The following IRF7 variants were observed in gnomAD, a reference collection of about 807,000 sequenced individuals.
IRF7 encodes the protein interferon regulatory factor-7H.
IRF7 carries 67 observed loss-of-function variants against 51.3 expected under a neutral mutation model. The observed-to-expected ratio is 1.31, with a 90% confidence interval of 1.07 to 1.60. The LOEUF (loss-of-function observed/expected upper bound fraction) is 1.60. Among genes scored for constraint, IRF7 ranks in the 40% most tolerant of loss-of-function variants. The probability of loss-of-function intolerance (pLI) is 0.00; values close to 1 mark genes in which losing one functional copy is unlikely to be tolerated. For missense variants in IRF7, 873 were observed against 701.5 expected, an observed-to-expected ratio of 1.24 and a Z score of -2.76; for synonymous variants, 427 against 301.3, an observed-to-expected ratio of 1.42 and a Z score of -4.32.
Position 613,967 on chromosome 11 carries a change from G to C in IRF7, c.750C>G (p.Pro250=), listed in dbSNP as rs202066033. 1.9e-6 allele frequency: 3 copies of C among 1,606,154 alleles called. No individual in the cohort carries two copies. Among genetic ancestry groups the C allele is most frequent in the East Asian group, 2.2e-5 (1 of 44,834 alleles). Reference sequence around the variant, plus strand: ...CCCTCTCACCTGTCGTTAGTGCCGCGGGCTGGGGCCCGGGGCTGGGGGTCG... The same window carrying C: ...CCCTCTCACCTGTCGTTAGTGCCGCCGGCTGGGGCCCGGGGCTGGGGGTCG... ...VETTPSPGPQ[P]AALTTGEAAA... The change falls in exon 7 of 11, where the codon CCC becomes CCG. Residue 250 remains proline, a synonymous_variant. Coordinates refer to ENST00000525445, the MANE Select transcript of IRF7 (RefSeq NM_001572.5).
Position 612,696 on chromosome 11 carries a change from G to A in IRF7, c.1461C>T (p.Ser487=), listed in dbSNP as rs778977149. The change falls in exon 11 of 11, where the codon AGC becomes AGT. Residue 487 remains serine (S), a synonymous_variant. Coordinates refer to ENST00000525445, the MANE Select transcript of IRF7 (RefSeq NM_001572.5). ...GGAAGCACTCGATGTCGTCATAGAG[G>A]CTGTTGGCGCTGGACAGGCAGAGGC... The part of the protein sequence containing the change: ...SLSLCLSSAN[S]LYDDIECFLM... 2.5e-6 allele frequency: 4 copies of A among 1,613,132 alleles called. No individual in the cohort carries two copies. The East Asian group carries it at 6.7e-5, about 27-fold the overall frequency.
In IRF7 at chr11:612,561, G is replaced by C. The variant is rs561871272; in HGVS notation, c.*84C>G. On this transcript the variant is annotated 3_prime_UTR_variant, in exon 11 of 11. Coordinates refer to ENST00000525445, the MANE Select transcript of IRF7 (RefSeq NM_001572.5). The stretch of plus-strand genomic sequence containing the variant: ...CAGCCAAGATGCCAGTACGTGTTCT[G>C]GAGTTCTTTTTATTAGACTGGGCGG... 8.3e-5 allele frequency: 125 copies of C among 1,497,786 alleles called. 1 individual carries two copies. The South Asian group carries it at 1.4e-3, about 17-fold the overall frequency. The allele number at this position is 1,497,786 out of a possible 1,614,324, so 92.8% of individuals were successfully genotyped here.
rs759611361 is a variant in IRF7 at position 613,494 on chromosome 11, G to A, written c.949C>T (p.Pro317Ser). The A allele has an allele frequency of 1.3e-6, 2 of 1,543,762 alleles. No homozygotes were observed. The highest frequency in any genetic ancestry group is 2.0e-5 in the Admixed American group (1 of 49,270). The change falls in exon 9 of 11, where the codon CCA becomes TCA. Residue 317 changes from proline (P) to serine (S), a missense_variant. Coordinates refer to ENST00000525445, the MANE Select transcript of IRF7 (RefSeq NM_001572.5). ...TCTGTGGCCCGGACAGCTGGGTCTG[G>A]GGGGCCGTATAGGAACGTGCAGCTC... ...HPSCTFLYGP[P>S]DPAVRATDPQ...
intron 10 of IRF7, 21 bp from the exon 11 acceptor site, chr11:612,821 T>TCTGTCAGTGACCCGG (rs776671614): frequency 3.5e-5 from 56 of 1,589,536 alleles, no homozygotes; most frequent in Admixed American, 1.7e-4. Flanking sequence ...GGATCGGGCG[T>TCTGTCAGTGACCCGG]CTGTCAGTGA....
rs1856509001 is a variant in IRF7 at position 612,811 on chromosome 11, G to A, written c.1357-11C>T. The A allele has an allele frequency of 2.5e-6, 4 of 1,598,894 alleles. No homozygotes were observed. The highest frequency in any genetic ancestry group is 3.4e-6 in the Non-Finnish European group (4 of 1,173,866). On this transcript the variant is annotated splice_polypyrimidine_tract_variant and intron_variant, in intron 10 of 10. Coordinates refer to ENST00000525445, the MANE Select transcript of IRF7 (RefSeq NM_001572.5). ...CAGCCAGGGTTCCAGCTGCCAGGAG[G>A]GATCGGGCGTCTGTCAGTGACCCGG...
In IRF7 at chr11:613,480, G is replaced by T; in HGVS notation, c.963C>A (p.Val321=). Residue 321 remains valine, a synonymous_variant, in exon 9 of 11, where the codon GTC becomes GTA. Transcript: ENST00000525445. ...CTACCTGCTGGGGGTCTGTGGCCCG[G>T]ACAGCTGGGTCTGGGGGGCCGTATA... ...TFLYGPPDPA[V]RATDPQQVAF... 6.5e-7 allele frequency: 1 copy of T among 1,544,206 alleles called. No individual in the cohort carries two copies. Among genetic ancestry groups the T allele is most frequent in the Non-Finnish European group, 8.7e-7 (1 of 1,146,808 alleles).
At position 615,253 on chromosome 11, in the gene IRF7, G is replaced by T; in HGVS notation, c.27C>A (p.Ala9=). MALAPERA[A]PRVLFGEWLL... ...GCCACTCTCCGAACAGCACGCGTGG[G>T]GCTGCCCTGCGGGTGCCCGGCCGCG... The change falls in exon 3 of 11, where the codon GCC becomes GCA. Residue 9 remains alanine, a synonymous_variant. Transcript: ENST00000525445. 6.3e-7 allele frequency: 1 copy of T among 1,582,444 alleles called. No individual in the cohort carries two copies. Among genetic ancestry groups the T allele is most frequent in the Admixed American group, 1.8e-5 (1 of 57,094 alleles).
intron 6 of IRF7, 67 bp downstream of exon 6, chr11:614,107 T>C: frequency 6.3e-7 from 1 of 1,575,156 alleles, no homozygotes; most frequent in Non-Finnish European, 8.7e-7. Context: ...CCCAGCCCCC[T>C]TCTAAAGTGT....
At chr11:613,890 C>G (rs747642978) in intron 7 of IRF7, 25 bp from the exon 8 acceptor site, 17 of 1,598,830 alleles carry the variant, frequency 1.1e-5, no homozygotes, top group Non-Finnish European at 1.4e-5. Context: ...GAATCCTGTG[C>G]TGGCACCTCA....
chr11:615,219 C>T lies in IRF7; in HGVS notation c.61G>A (p.Glu21Lys). Residue 21 changes from glutamate (E) to lysine (K), a missense_variant, in exon 3 of 11, where the codon GAG becomes AAG. By Grantham distance (56) the Glu-to-Lys change is moderately conservative. Coordinates refer to ENST00000525445, the MANE Select transcript of IRF7 (RefSeq NM_001572.5). ...RVLFGEWLLG[E>K]ISSGCYEGLQ... Reference sequence around the variant, plus strand: ...CCCTCATAGCAGCCGCTGCTGATCTCTCCAAGGAGCCACTCTCCGAACAGC... The same window carrying T: ...CCCTCATAGCAGCCGCTGCTGATCTTTCCAAGGAGCCACTCTCCGAACAGC... 6.3e-7 allele frequency: 1 copy of T among 1,595,210 alleles called. No individual in the cohort carries two copies. The highest frequency in any genetic ancestry group is 8.5e-7 in the Non-Finnish European group (1 of 1,174,986).
chr11:614,104 C>T (rs1483701229), intron 6 of IRF7, 67 bp from the exon 7 acceptor site: 2 of 1,581,760 alleles, frequency 1.3e-6, no homozygotes, highest in Non-Finnish European at 1.7e-6. Flanking sequence ...ATCCCCAGCC[C>T]CCTTCTAAAG....
chr11:613,009 A>G lies in IRF7; in HGVS notation c.1346T>C (p.Val449Ala). 6.2e-7 allele frequency: 1 copy of G among 1,613,048 alleles called. No individual in the cohort carries two copies. Among genetic ancestry groups the G allele is most frequent in the Non-Finnish European group, 8.5e-7 (1 of 1,179,920 alleles). ...SAGRPKEKSLVLVKLEPWLCR... is the reference protein window; with the variant it reads ...SAGRPKEKSLALVKLEPWLCR... ...AGGCTCTGGTCTCACCTTCACCAGG[A>G]CCAGGCTCTTCTCCTTGGGCCTCCC... Residue 449 changes from valine (V) to alanine (A), a missense_variant, in exon 10 of 11, where the codon GTC becomes GCC. By Grantham distance (64) the Val-to-Ala change is moderately conservative. Transcript: ENST00000525445.
intron 4 of IRF7, 28 bp from the exon 5 acceptor site, chr11:614,562 C>T (rs1202802345): frequency 2.1e-5 from 32 of 1,550,146 alleles, no homozygotes; most frequent in Non-Finnish European, 2.5e-5. Flanking sequence ...AGGCGTTAGG[C>T]CCCGACACCA....
chr11:613,130 A>T lies in IRF7; in HGVS notation c.1238-13T>A, dbSNP rs747031092. 1 of 1,612,010 alleles carries T rather than the reference A, an allele frequency of 6.2e-7. No homozygotes were observed. Among genetic ancestry groups the T allele is most frequent in the Non-Finnish European group, 8.5e-7 (1 of 1,179,512 alleles). ...AATTCCACCAGCTCTGAAGAAGGGG[A>T]CTCTGCTGAGTACCTGGCAGGCAGG... is the stretch of plus-strand genomic sequence containing the variant. On this transcript the variant is annotated splice_polypyrimidine_tract_variant and intron_variant, in intron 9 of 10. Coordinates refer to ENST00000525445, the MANE Select transcript of IRF7 (RefSeq NM_001572.5).
intron 10 of IRF7, 78 bp downstream of exon 10, chr11:612,920 CT>C (rs1295853327): frequency 1.3e-6 from 2 of 1,584,048 alleles, no homozygotes; most frequent in African/African-American, 2.7e-5. Flanking sequence ...CCCTCCCCCT[CT>C]CCGAGGCTCT....
At position 615,269 on chromosome 11, in the gene IRF7, C is replaced by T. The variant is rs1856774833; in HGVS notation, c.21-10G>A. 1 of 1,580,090 alleles carries T rather than the reference C, an allele frequency of 6.3e-7. No homozygotes were observed. On this transcript the variant is annotated splice_polypyrimidine_tract_variant and intron_variant, in intron 2 of 10. Coordinates refer to ENST00000525445, the MANE Select transcript of IRF7 (RefSeq NM_001572.5). ...CACGCGTGGGGCTGCCCTGCGGGTG[C>T]CCGGCCGCGGAGAGTCAGGGCCGGC...
At chr11:614,620 G>A in intron 4 of IRF7, 86 bp from the exon 5 acceptor site, 1 of 1,495,668 alleles carries the variant, frequency 6.7e-7, no homozygotes, top group Non-Finnish European at 9.1e-7. Context: ...CCAGCTTCCT[G>A]GCTGTGAACC....
rs1425734883 is a variant in IRF7 at position 613,390 on chromosome 11, C to G, written c.1053G>C (p.Arg351=). The part of the protein sequence containing the change: ...KQLRYTEELL[R]HVAPGLHLEL... ...CCAGGTGCAACCCAGGGGCCACGTG[C>G]CGCAGCAGTTCCTCCGTGTAGCGCA... The change falls in exon 9 of 11, where the codon CGG becomes CGC. Residue 351 remains arginine (R), a synonymous_variant. Coordinates refer to ENST00000525445, the MANE Select transcript of IRF7 (RefSeq NM_001572.5). 1.3e-6 allele frequency: 2 copies of G among 1,597,732 alleles called. No homozygotes were observed. The highest frequency in any genetic ancestry group is 1.7e-6 in the Non-Finnish European group (2 of 1,174,424).
At position 614,364 on chromosome 11, in the gene IRF7, A is replaced by G. The variant is rs774077006; in HGVS notation, c.489T>C (p.His163=). The G allele has an allele frequency of 2.4e-5, 38 of 1,609,524 alleles. No homozygotes were observed. The highest frequency in any genetic ancestry group is 3.2e-5 in the Non-Finnish European group (38 of 1,178,840). ...GGGGGCCTGGGGCTTGGAGTCCAGC[A>G]TGTGTGTGTGCCAGGAATGGCCCTG... is the stretch of plus-strand genomic sequence containing the variant. ...GPPGPFLAHT[H]AGLQAPGPLP... Residue 163 remains histidine, a synonymous_variant, in exon 6 of 11, where the codon CAT becomes CAC. Coordinates refer to ENST00000525445, the MANE Select transcript of IRF7 (RefSeq NM_001572.5).
Sources: allele counts gnomAD v4.1 joint callset, GRCh38; gene constraint gnomAD v4.1.1; transcripts MANE v1.5; gene names NCBI Gene and HGNC (gene_info 2026-07-23, HGNC 2026-07-21).